Variants in TRPM3 observed in about 807,000 individuals in gnomAD.
The protein encoded by TRPM3 is long transient receptor potential channel 3.
Under a neutral mutation model 181.2 loss-of-function variants are expected in TRPM3, and 77 were observed. The observed-to-expected ratio is 0.42, with a 90% CI of 0.35 to 0.51. TRPM3 has a LOEUF of 0.51. TRPM3 is among the 20% of genes least tolerant of loss of function. TRPM3 has a pLI of 0.01. For missense variants in TRPM3, 1,759 were observed against 2,196.7 expected (o/e 0.80, Z 3.98); for synonymous variants, 745 against 796.4 (o/e 0.94, Z 1.09).
At chr9:70,932,053 A>G (rs1210948110) in intron 1 of TRPM3, among the ~76,000 whole-genome samples, 1 of 152,190 alleles carries the variant, frequency 6.6e-6, no homozygotes, top group African/African-American at 2.4e-5. Context: ...GCAAAGGAGG[A>G]CACAGACGAT....
At chr9:70,918,635 T>G (rs953605849) in intron 1 of TRPM3, among the ~76,000 whole-genome samples, 4 of 152,126 alleles carry the variant, frequency 2.6e-5, no homozygotes, top group Non-Finnish European at 5.9e-5. Context: ...AGGGGGAAAT[T>G]TATACCTTTA....
intron 1 of TRPM3, among the ~76,000 whole-genome samples, chr9:71,371,140 T>G (rs1031314274): frequency 1.3e-5 from 2 of 152,188 alleles, no homozygotes; most frequent in African/African-American, 4.8e-5. Flanking sequence ...CTGATGGAGA[T>G]GTACACGGAG....
chr9:70,613,475 C>T (rs1367868646), intron 18 of TRPM3, among the ~76,000 whole-genome samples: 3 of 152,212 alleles, frequency 2.0e-5, no homozygotes, highest in Non-Finnish European at 4.4e-5. Context: ...CACAGAAGCT[C>T]AAATATCAAT....
intron 7 of TRPM3, 142 bp from the exon 8 acceptor site, chr9:70,761,866 C>T: frequency 1.0e-6 from 1 of 974,174 alleles, no homozygotes; most frequent in Non-Finnish European, 1.4e-6. Flanking sequence ...AAAAGGTATC[C>T]CGCCTGTGAT....
At chr9:70,662,468 C>A (rs533015465) in intron 9 of TRPM3, among the ~76,000 whole-genome samples, 21 of 151,792 alleles carry the variant, frequency 1.4e-4, no homozygotes, top group Admixed American at 2.0e-4. Context: ...ACCCACAGAG[C>A]GGGAGAAAAT....
Position 71,003,190 on chromosome 9 carries a change from C to T in TRPM3, c.177+117988G>A, listed in dbSNP as rs532369936. ...AAACATTTTGAATCCTTTTCCCTTG[C>T]CTTAAAAAAAAAAAAAAAAAACACT... is the stretch of plus-strand genomic sequence containing the variant. On this transcript the variant is annotated intron_variant, in intron 1 of 25. Coordinates refer to ENST00000677713, the MANE Select transcript of TRPM3 (RefSeq NM_001366145.2). Among the ~76,000 whole-genome samples, 2 of 62,230 alleles carry T rather than the reference C, an allele frequency of 3.2e-5. 1 individual carries two copies. Among genetic ancestry groups the T allele is most frequent in the Admixed American group, 4.9e-4 (2 of 4,096 alleles). The allele number at this position is 62,230 out of a possible 152,430, so 40.8% of individuals were successfully genotyped here.
At chr9:70,990,362 A>G (rs2097466633) in intron 1 of TRPM3, among the ~76,000 whole-genome samples, 1 of 152,168 alleles carries the variant, frequency 6.6e-6, no homozygotes, top group Non-Finnish European at 1.5e-5. Context: ...AGTAAAAATG[A>G]ATGAGATTGC....
Position 70,535,949 on chromosome 9 carries a change from A to G in TRPM3, c.*4T>C, listed in dbSNP as rs749202803. 6.4e-7 allele frequency: 1 copy of G among 1,566,210 alleles called. No individual in the cohort carries two copies. Among genetic ancestry groups the G allele is most frequent in the Non-Finnish European group, 8.6e-7 (1 of 1,158,860 alleles). On this transcript the variant is annotated 3_prime_UTR_variant, in exon 26 of 26. Transcript: ENST00000677713. Reference sequence around the variant, plus strand: ...GAGCCTTCTGTGGCGGATATTAAGAAGGTTTAGTTGTGCTTGCTTTCAAAG... The same window carrying G: ...GAGCCTTCTGTGGCGGATATTAAGAGGGTTTAGTTGTGCTTGCTTTCAAAG...
rs568469492 is a variant in TRPM3 at position 71,269,043 on chromosome 9, G to A, written c.183+177610C>T. The stretch of plus-strand genomic sequence containing the variant: ...ATGAATGAAAGCATAGCAAGTACAC[G>A]GGGGCGGGCAGAGGTAGCGAGTGAA... On this transcript the variant is annotated intron_variant, in intron 1 of 24. Transcript: ENST00000357533. Among the ~76,000 whole-genome samples, 7 of 152,212 alleles carry A rather than the reference G, an allele frequency of 4.6e-5. No individual in the cohort carries two copies. The South Asian group carries it at 6.2e-4, about 14-fold the overall frequency.
Position 70,615,905 on chromosome 9 carries a change from T to C in TRPM3, c.2526+3A>G. ...AGAGAATAACTGTGCAATGTTTTCT[T>C]ACTGTGAGCTCCATGTCCTCTTCCT... On this transcript the variant is annotated splice_donor_region_variant and intron_variant, in intron 18 of 25. Coordinates refer to ENST00000677713, the MANE Select transcript of TRPM3 (RefSeq NM_001366145.2). 1 of 1,596,286 alleles carries C rather than the reference T, an allele frequency of 6.3e-7. No homozygotes were observed. The highest frequency in any genetic ancestry group is 8.5e-7 in the Non-Finnish European group (1 of 1,175,116).
intron 1 of TRPM3, among the ~76,000 whole-genome samples, chr9:71,276,756 AC>A (rs1462765328): frequency 6.6e-6 from 1 of 152,214 alleles, no homozygotes; most frequent in South Asian, 2.1e-4. Flanking sequence ...GGAAAGTTGA[AC>A]ATGTACTGGC....
At chr9:71,342,141 ACACTTTTAAATAT>A (rs889022234) in intron 1 of TRPM3, among the ~76,000 whole-genome samples, 11 of 150,726 alleles carry the variant, frequency 7.3e-5, no homozygotes, top group Admixed American at 1.3e-4. Flanking sequence ...GGGGAAACAG[ACACTTTTAAATAT>A]CACTTTTAAA....
intron 8 of TRPM3, among the ~76,000 whole-genome samples, chr9:70,691,002 AC>A (rs2068376214): frequency 6.6e-6 from 1 of 152,240 alleles, no homozygotes; most frequent in Non-Finnish European, 1.5e-5. Context: ...CTAGAAATGA[AC>A]ATGATGATTT....
At chr9:70,595,899 A>G (rs527373779) in intron 21 of TRPM3, among the ~76,000 whole-genome samples, 2 of 152,338 alleles carry the variant, frequency 1.3e-5, no homozygotes, top group African/African-American at 4.8e-5. Flanking sequence ...TAAGTAACTC[A>G]AGCTCATGAA....
rs866388713 is a variant in TRPM3, at chr9:71,275,517, C to T, written c.183+171136G>A. On this transcript the variant is annotated intron_variant, in intron 1 of 24. Coordinates refer to the TRPM3 transcript ENST00000357533. ...GTGTGTGTGTGCACATGTATGTGTG[C>T]GTGTGTGTGTATGTGTGTGTGTATT... Among the ~76,000 whole-genome samples the T allele has an allele frequency of 2.7e-4, 41 of 151,652 alleles. 1 individual carries two copies. The highest frequency in any genetic ancestry group is 2.1e-3 in the South Asian group (10 of 4,794).
chr9:71,413,084 A>G (rs1437667290), intron 1 of TRPM3, among the ~76,000 whole-genome samples: 11 of 151,902 alleles, frequency 7.2e-5, no homozygotes, highest in African/African-American at 2.7e-4. Flanking sequence ...AACATCACAC[A>G]CTGGGGCCTT....
At chr9:71,426,731 A>G (rs1232887949) in intron 1 of TRPM3, among the ~76,000 whole-genome samples, 4 of 152,044 alleles carry the variant, frequency 2.6e-5, no homozygotes, top group African/African-American at 4.8e-5. Flanking sequence ...CTTTATTCCT[A>G]TTAGCTCGGC....
At chr9:71,004,691 A>T (rs183076235) in intron 1 of TRPM3, among the ~76,000 whole-genome samples, 2 of 152,342 alleles carry the variant, frequency 1.3e-5, no homozygotes, top group Non-Finnish European at 1.5e-5. Context: ...CCTCTTAAAG[A>T]AGTTTAGGGA....
At chr9:71,122,447 C>T (rs945712828), upstream of TRPM3, among the ~76,000 whole-genome samples, 3 of 152,224 alleles carry the variant, frequency 2.0e-5, no homozygotes, top group African/African-American at 4.8e-5. Flanking sequence ...CCCCAGGCAT[C>T]GGACCTCAGT....
Sources: allele counts gnomAD v4.1 joint callset (sites outside exome capture counted in the v4.1 genomes callset), GRCh38; gene constraint gnomAD v4.1.1; transcripts MANE v1.5; gene names NCBI Gene and HGNC (gene_info 2026-07-23, HGNC 2026-07-21).